MAP1B: variants seen among roughly 807,000 people sequenced by gnomAD.
MAP1B encodes microtubule-associated protein 1B.
MAP1B carries 12 observed loss-of-function variants against 176.1 expected under a neutral mutation model. That is an observed-to-expected ratio of 0.07 (90% CI 0.04 to 0.11). MAP1B has a LOEUF of 0.11. Ranked by LOEUF, MAP1B falls within the 10% of genes least tolerant of loss-of-function variation. The pLI, the probability that MAP1B is intolerant of heterozygous loss-of-function variation, is 1.00. For synonymous variants in MAP1B, 1,044 were observed against 1,135.0 expected (o/e 0.92, Z 1.61); for missense variants, 2,523 against 2,990.5 (o/e 0.84, Z 3.65).
At chr5:72,139,382 C>G (rs952477083) in intron 2 of MAP1B, among the ~76,000 whole-genome samples, 14 of 152,156 alleles carry the variant, frequency 9.2e-5, no homozygotes, top group Non-Finnish European at 1.9e-4. Flanking sequence ...ATATTTTGTA[C>G]TTAACCTTGG....
chr5:72,193,176 T>G, intron 4 of MAP1B: 1 of 327,314 alleles, frequency 3.1e-6, no homozygotes, highest in South Asian at 2.6e-5. Context: ...CAGCGTGCAC[T>G]GATGCCAGAA....
intron 2 of MAP1B, among the ~76,000 whole-genome samples, chr5:72,161,973 A>AAAAAG (rs1561302297): frequency 6.1e-5 from 9 of 146,860 alleles, no homozygotes; most frequent in Non-Finnish European, 1.3e-4. Context: ...AAAAAAAAAA[A>AAAAAG]AAAGAAAGAA....
chr5:72,187,378 C>T (rs373411191), intron 4 of MAP1B, among the ~76,000 whole-genome samples: 2 of 152,286 alleles, frequency 1.3e-5, no homozygotes, highest in South Asian at 2.1e-4. Context: ...TGAAGTTAGT[C>T]GTATTTTGTA....
At chr5:72,171,614 G>A (rs140234446) in intron 2 of MAP1B, among the ~76,000 whole-genome samples, 30 of 152,234 alleles carry the variant, frequency 2.0e-4, no homozygotes, top group African/African-American at 6.0e-4. Flanking sequence ...TTTTAAAGTG[G>A]AAGAAACGTG....
chr5:72,132,341 T>C (rs1377503620), intron 2 of MAP1B, among the ~76,000 whole-genome samples: 1 of 152,222 alleles, frequency 6.6e-6, no homozygotes, highest in African/African-American at 2.4e-5. Context: ...TGGAGACTTT[T>C]TTCCGCTAGC....
chr5:72,142,641 A>G lies in MAP1B; in HGVS notation c.286+26842A>G, dbSNP rs140615819. Among the ~76,000 whole-genome samples the G allele has an allele frequency of 4.9e-4, 74 of 152,244 alleles. No individual in the cohort carries two copies. The East Asian group carries it at 0.013, about 28-fold the overall frequency. ...AGGAGATTTGGGCCTAAGTAAGGAG[A>G]CATGAAATAAAAGAAAAAAGGGATT... On this transcript the variant is annotated intron_variant, in intron 2 of 6. Transcript: ENST00000296755.
intron 4 of MAP1B, among the ~76,000 whole-genome samples, chr5:72,191,557 G>A (rs1010845395): frequency 2.6e-5 from 4 of 152,208 alleles, no homozygotes; most frequent in Non-Finnish European, 4.4e-5. Context: ...TTCCAAGGAT[G>A]TAGGAGTTGT....
chr5:72,192,768 C>T lies in MAP1B; in HGVS notation c.511-1098C>T, dbSNP rs562246566. Among the ~76,000 whole-genome samples the T allele has an allele frequency of 1.4e-4, 21 of 152,236 alleles. No homozygotes were observed. In the South Asian group the frequency reaches 3.1e-3, roughly 23 times the overall value. ...AGCTGATTTGTGAGCTTTACTGAGA[C>T]GGAAAGAATATTGGAGTTGATGGCA... is the stretch of plus-strand genomic sequence containing the variant. On this transcript the variant is annotated intron_variant, in intron 4 of 6. Coordinates refer to ENST00000296755, the MANE Select transcript of MAP1B (RefSeq NM_005909.5).
At position 72,200,254 on chromosome 5, in the gene MAP1B, C is replaced by T. The variant is rs559636289; in HGVS notation, c.6899C>T (p.Ala2300Val). The change falls in exon 5 of 7, where the codon GCA becomes GTA. Residue 2300 changes from alanine to valine, a missense_variant. Around this residue, in one of 4 missense-constraint regions of MAP1B, gnomAD observed 287 missense variants for 401.5 expected, o/e 0.71. Transcript: ENST00000296755. ...PKKKESVEKA[A>V]KPTTTPEVKA... ...AAGAAAGAATCTGTGGAAAAGGCAG[C>T]AAAACCCACCACCACTCCTGAGGTC... 1.2e-6 allele frequency: 2 copies of T among 1,614,180 alleles called. No homozygotes were observed. Among genetic ancestry groups the T allele is most frequent in the African/African-American group, 2.7e-5 (2 of 75,038 alleles).
chr5:72,113,492 A>G (rs967859181), intron 1 of MAP1B, among the ~76,000 whole-genome samples: 2 of 152,232 alleles, frequency 1.3e-5, no homozygotes, highest in African/African-American at 2.4e-5. Context: ...ATGAAAATAT[A>G]AAGCAAACAT....
In MAP1B at chr5:72,116,410, C is replaced by G. The variant is rs556496736; in HGVS notation, c.286+611C>G. 22 of 412,576 alleles carry G rather than the reference C, an allele frequency of 5.3e-5. No individual in the cohort carries two copies. In the East Asian group the frequency reaches 1.0e-3, roughly 19 times the overall value. 25.6% of individuals were successfully genotyped at this position (412,576 alleles called of 1,614,324 possible). A position where few individuals can be genotyped will look rare whatever the true frequency, so the allele number is the denominator to read the frequency against. Reference sequence around the variant, plus strand: ...ATATTACAAACTTCTGTTAAAATAGCCTTTTTTTCAGAGATGAAAAAGAAT... The same window carrying G: ...ATATTACAAACTTCTGTTAAAATAGGCTTTTTTTCAGAGATGAAAAAGAAT... On this transcript the variant is annotated intron_variant, in intron 2 of 6. Coordinates refer to ENST00000296755, the MANE Select transcript of MAP1B (RefSeq NM_005909.5).
chr5:72,150,430 T>G (rs945663373), intron 2 of MAP1B, among the ~76,000 whole-genome samples: 5 of 152,242 alleles, frequency 3.3e-5, no homozygotes, highest in African/African-American at 1.2e-4. Flanking sequence ...AATTTGCCAG[T>G]GAGGGATAAC....
chr5:72,127,728 T>C (rs933321557), intron 2 of MAP1B, among the ~76,000 whole-genome samples: 1 of 152,152 alleles, frequency 6.6e-6, no homozygotes, highest in Non-Finnish European at 1.5e-5. Context: ...TGATAATATA[T>C]CCATGGATAA....
Position 72,194,399 on chromosome 5 carries a change from C to T in MAP1B, c.1044C>T (p.Asn348=). The change falls in exon 5 of 7, where the codon AAC becomes AAT. Residue 348 remains asparagine, a synonymous_variant. Transcript: ENST00000296755. The surrounding 1 kb of genome is among the most constrained non-coding windows in gnomAD (Gnocchi z 7.2). Reference sequence around the variant, plus strand: ...CCACAAATAGTGACTGGATGAAAAACCTCATCTCCCCTGACTTAGGAGTTG... The same window carrying T: ...CCACAAATAGTGACTGGATGAAAAATCTCATCTCCCCTGACTTAGGAGTTG... The part of the protein sequence containing the change: ...GSTTNSDWMK[N]LISPDLGVVF... 1 of 1,614,152 alleles carries T rather than the reference C, an allele frequency of 6.2e-7. No homozygotes were observed. The highest frequency in any genetic ancestry group is 8.5e-7 in the Non-Finnish European group (1 of 1,180,034).
intron 2 of MAP1B, among the ~76,000 whole-genome samples, chr5:72,127,165 C>G (rs1364408752): frequency 6.6e-6 from 1 of 152,196 alleles, no homozygotes; most frequent in African/African-American, 2.4e-5. Context: ...TTTGTTATCG[C>G]TAACTGCGGA....
intron 2 of MAP1B, chr5:72,116,561 G>T: frequency 3.5e-6 from 1 of 286,754 alleles, no homozygotes; most frequent in Non-Finnish European, 6.8e-6. Context: ...TATTCATACT[G>T]ACCCATCTCG....
Position 72,207,809 on chromosome 5 carries a change from T to G in MAP1B, c.*2570T>G, listed in dbSNP as rs538683082. 2.6e-4 allele frequency: 39 copies of G among 152,226 alleles called. No homozygotes were observed. The highest frequency in any genetic ancestry group is 5.0e-4 in the Non-Finnish European group (34 of 68,036). 9.4% of individuals were successfully genotyped at this position (152,226 alleles called of 1,614,324 possible). The stretch of plus-strand genomic sequence containing the variant: ...ATCCAGACCTCTGGTTGATTTTTCT[T>G]TGACAGAAGATGCAAGTTATTTTCC... On this transcript the variant is annotated 3_prime_UTR_variant, in exon 7 of 7. Transcript: ENST00000296755.
intron 2 of MAP1B, among the ~76,000 whole-genome samples, chr5:72,133,036 T>C (rs1745764304): frequency 6.6e-6 from 1 of 152,150 alleles, no homozygotes; most frequent in Admixed American, 6.5e-5. Context: ...GAAGTCAGGT[T>C]CAGGTGTATA....
Position 72,159,037 on chromosome 5 carries a change from C to T in MAP1B, c.287-24706C>T, listed in dbSNP as rs1171361813. ...GTGTGAGTACTGTTATTCCCATGTA[C>T]GATTGAGGAACCTGAGGGTCAGAGA... On this transcript the variant is annotated intron_variant, in intron 2 of 6. Transcript: ENST00000296755. Among the ~76,000 whole-genome samples, 3 of 152,076 alleles carry T rather than the reference C, an allele frequency of 2.0e-5. No individual in the cohort carries two copies. In the East Asian group the frequency reaches 5.8e-4, roughly 29 times the overall value.
Sources: allele counts gnomAD v4.1 joint callset (sites outside exome capture counted in the v4.1 genomes callset), GRCh38; gene constraint gnomAD v4.1.1; regional missense constraint gnomAD v4.1.1; non-coding constraint Gnocchi (gnomAD v3.1); transcripts MANE v1.5; gene names NCBI Gene and HGNC (gene_info 2026-07-23, HGNC 2026-07-21).